PPP2R2C: variants seen among roughly 807,000 people sequenced by gnomAD.
The protein encoded by PPP2R2C is protein phosphatase 2 regulatory subunit Bgamma.
PPP2R2C carries 10 observed loss-of-function variants against 45.3 expected under a neutral mutation model. The observed-to-expected ratio is 0.22, with a 90% CI of 0.14 to 0.37. The LOEUF is 0.37. Among genes scored for constraint, PPP2R2C ranks in the 10% least tolerant of loss-of-function variants. PPP2R2C has a pLI of 1.00. For missense variants in PPP2R2C, 308 were observed against 619.7 expected (o/e 0.50, Z 5.34); for synonymous variants, 257 against 245.4 (o/e 1.05, Z -0.44).
intron 2 of PPP2R2C, among the ~76,000 whole-genome samples, chr4:6,500,954 G>A (rs1201276401): frequency 6.6e-6 from 1 of 152,266 alleles, no homozygotes; most frequent in African/African-American, 2.4e-5. Flanking sequence ...AGGAGAGGCA[G>A]GGAGCAGGAA....
At chr4:6,433,503 C>A (rs988663882) in intron 1 of PPP2R2C, among the ~76,000 whole-genome samples, 1 of 152,182 alleles carries the variant, frequency 6.6e-6, no homozygotes, top group Admixed American at 6.5e-5. Flanking sequence ...AGCAGCATCA[C>A]TTCCCCTGGG....
At chr4:6,366,801 C>T (rs565674080) in intron 5 of PPP2R2C, among the ~76,000 whole-genome samples, 1 of 152,296 alleles carries the variant, frequency 6.6e-6, no homozygotes, top group South Asian at 2.1e-4. Context: ...AGGAGTGAGC[C>T]AGTGTGACCC....
chr4:6,340,516 G>A (rs1035342481), intron 6 of PPP2R2C, among the ~76,000 whole-genome samples: 1 of 152,132 alleles, frequency 6.6e-6, no homozygotes, highest in Non-Finnish European at 1.5e-5. Flanking sequence ...AGAGCCTGAA[G>A]CCATCCCCGA....
chr4:6,508,588 C>CA (rs934717979), intron 2 of PPP2R2C, among the ~76,000 whole-genome samples: 6 of 150,646 alleles, frequency 4.0e-5, no homozygotes, highest in Admixed American at 2.6e-4. Flanking sequence ...GACTCCATCT[C>CA]AAAAAAAAGA....
chr4:6,444,762 C>T (rs1004060324), intron 1 of PPP2R2C, among the ~76,000 whole-genome samples: 3 of 152,238 alleles, frequency 2.0e-5, no homozygotes, highest in African/African-American at 7.2e-5. Context: ...GATGGCTCTA[C>T]TCTCAGCAGT....
At chr4:6,370,893 C>A (rs750755975) in intron 5 of PPP2R2C, among the ~76,000 whole-genome samples, 5 of 152,246 alleles carry the variant, frequency 3.3e-5, no homozygotes, top group African/African-American at 4.8e-5. Context: ...CCAGAGAAAT[C>A]TGAGCTTCAA....
At chr4:6,549,461 G>A (rs1478057283) in intron 1 of PPP2R2C, among the ~76,000 whole-genome samples, 1 of 152,216 alleles carries the variant, frequency 6.6e-6, no homozygotes, top group Non-Finnish European at 1.5e-5. Context: ...AAAGATACAG[G>A]GAAGGGAGTC....
At chr4:6,401,743 C>T (rs971953855) in intron 1 of PPP2R2C, among the ~76,000 whole-genome samples, 5 of 152,156 alleles carry the variant, frequency 3.3e-5, no homozygotes, top group Admixed American at 3.3e-4. Flanking sequence ...AGCACCCTGA[C>T]AATGAACTCA....
intron 1 of PPP2R2C, among the ~76,000 whole-genome samples, chr4:6,469,076 C>CA (rs1721724590): frequency 1.5e-5 from 1 of 68,284 alleles, no homozygotes; most frequent in African/African-American, 7.5e-5. Flanking sequence ...AGCCCTGCCA[C>CA]CAAAAAAAAA....
At chr4:6,360,922 T>C (rs916083273) in intron 5 of PPP2R2C, among the ~76,000 whole-genome samples, 4 of 152,190 alleles carry the variant, frequency 2.6e-5, no homozygotes, top group Non-Finnish European at 1.5e-5. Flanking sequence ...CACATTCTTA[T>C]TCCTGCATCT....
At chr4:6,464,904 G>A (rs1721514061) in intron 1 of PPP2R2C, among the ~76,000 whole-genome samples, 1 of 130,876 alleles carries the variant, frequency 7.6e-6, no homozygotes, top group Admixed American at 8.1e-5. Context: ...GAGAGAGAAG[G>A]AAGGAAGGGA....
At chr4:6,456,866 T>C (rs775431240) in intron 1 of PPP2R2C, among the ~76,000 whole-genome samples, 1 of 152,164 alleles carries the variant, frequency 6.6e-6, no homozygotes, top group Non-Finnish European at 1.5e-5. Flanking sequence ...TCTGACCACT[T>C]GGAATGAGTG....
At chr4:6,371,053 G>C (rs1228617784) in intron 5 of PPP2R2C, among the ~76,000 whole-genome samples, 1 of 152,196 alleles carries the variant, frequency 6.6e-6, no homozygotes, top group East Asian at 1.9e-4. Flanking sequence ...GCTGACTTAG[G>C]GTTCGGCACA....
Position 6,472,579 on chromosome 4 carries a change from T to A in PPP2R2C, c.-350A>T, listed in dbSNP as rs1480215795. On this transcript the variant is annotated 5_prime_UTR_variant, in exon 1 of 9. Transcript: ENST00000382599. Reference sequence around the variant, plus strand: ...GGCGGCGAGGGGACGCGCGCGGCGCTGCGCTGCGCCGACCAAGCCGGGGCC... The same window carrying A: ...GGCGGCGAGGGGACGCGCGCGGCGCAGCGCTGCGCCGACCAAGCCGGGGCC... 3 of 146,044 alleles carry A rather than the reference T, an allele frequency of 2.1e-5. No individual in the cohort carries two copies. Among genetic ancestry groups the A allele is most frequent in the African/African-American group, 7.4e-5 (3 of 40,666 alleles). The allele number at this position is 146,044 out of a possible 1,614,324, so 9.0% of individuals were successfully genotyped here.
chr4:6,402,397 C>T (rs1717473779), intron 1 of PPP2R2C, among the ~76,000 whole-genome samples: 1 of 152,246 alleles, frequency 6.6e-6, no homozygotes, highest in Non-Finnish European at 1.5e-5. Flanking sequence ...GGCCCTGCCA[C>T]TTCCCGGTTA....
chr4:6,546,304 G>T (rs957142342), intron 1 of PPP2R2C, among the ~76,000 whole-genome samples: 2 of 152,172 alleles, frequency 1.3e-5, no homozygotes, highest in Non-Finnish European at 2.9e-5. Context: ...TTCACACCTG[G>T]GAGGGGGTGC....
chr4:6,463,340 A>T (rs1721426917), intron 1 of PPP2R2C, among the ~76,000 whole-genome samples: 1 of 151,734 alleles, frequency 6.6e-6, no homozygotes, highest in South Asian at 2.1e-4. Flanking sequence ...CTCCAGCAGC[A>T]ACAGTCCTGG....
At position 6,378,609 on chromosome 4, in the gene PPP2R2C, G is replaced by T. The variant is rs763304197; in HGVS notation, c.169-37C>A. ...CCCGGAGAAGGGGCCTGAGCACCGT[G>T]ACCTGCAGGGCGACGGCTAGGACCT... On this transcript the variant is annotated intron_variant, in intron 2 of 8. Transcript: ENST00000382599. This position sits in a 1 kb window ranked among gnomAD's most constrained non-coding sequence, Gnocchi z 5.2. The T allele has an allele frequency of 2.5e-6, 4 of 1,590,518 alleles. No homozygotes were observed. Among genetic ancestry groups the T allele is most frequent in the Non-Finnish European group, 1.7e-6 (2 of 1,166,034 alleles).
intron 1 of PPP2R2C, among the ~76,000 whole-genome samples, chr4:6,452,494 T>C (rs542862171): frequency 6.6e-6 from 1 of 152,282 alleles, no homozygotes; most frequent in Non-Finnish European, 1.5e-5. Context: ...CACTGGCATT[T>C]GCGGCCCCAA....
Sources: gnomAD v4.1 joint callset for allele counts (sites outside exome capture counted in the v4.1 genomes callset) on GRCh38, gnomAD v4.1.1 for gene constraint, Gnocchi (gnomAD v3.1) non-coding constraint, MANE v1.5 for transcripts, NCBI Gene and HGNC (gene_info 2026-07-23, HGNC 2026-07-21) for gene names.